Variants in PCYT1B observed in about 807,000 individuals in gnomAD.
PCYT1B encodes choline-phosphate cytidylyltransferase B.
A neutral mutation model predicts 26.4 loss-of-function variants in PCYT1B; 10 were observed. The observed-to-expected ratio is 0.38, with a 90% CI of 0.23 to 0.64. PCYT1B has a LOEUF of 0.64. PCYT1B is among the 30% of genes least tolerant of loss of function. PCYT1B has a pLI of 0.56. For missense variants in PCYT1B, 161 were observed against 292.7 expected, an observed-to-expected ratio of 0.55 and a Z score of 3.28; for synonymous variants, 131 against 108.4, an observed-to-expected ratio of 1.21 and a Z score of -1.29.
chrX:24,656,002 G>A (rs1460128336), intron 1 of PCYT1B, among the ~76,000 whole-genome samples: 3 of 102,934 alleles, frequency 2.9e-5, no homozygotes, highest in Non-Finnish European at 4.0e-5. Flanking sequence ...GGTGGCAGGC[G>A]CCTGTAATCC....
At chrX:24,641,079 G>A (rs1027519982) in intron 1 of PCYT1B, among the ~76,000 whole-genome samples, 2 of 111,402 alleles carry the variant, frequency 1.8e-5, no homozygotes, top group African/African-American at 6.5e-5. Context: ...GATTACAGGA[G>A]CACACTACCA....
intron 2 of PCYT1B, among the ~76,000 whole-genome samples, 158 bp from the exon 3 acceptor site, chrX:24,608,019 G>C (rs1196237791): frequency 9.0e-6 from 1 of 111,641 alleles, no homozygotes; most frequent in Non-Finnish European, 1.9e-5. Context: ...TTCTTCTGAA[G>C]ACATCAAAGC....
chrX:24,562,951 T>C (rs1302367965), intron 7 of PCYT1B, among the ~76,000 whole-genome samples: 2 of 111,218 alleles, frequency 1.8e-5, no homozygotes, highest in East Asian at 5.6e-4. Flanking sequence ...GGTCTTGAAC[T>C]CCTGACCTCA....
intron 6 of PCYT1B, 79 bp from the exon 7 acceptor site, chrX:24,575,397 T>A (rs1017991393): frequency 6.8e-6 from 5 of 730,087 alleles, no homozygotes; most frequent in Non-Finnish European, 9.8e-6. Context: ...ACATTAAAGT[T>A]CATATTTTAT....
chrX:24,631,741 G>A (rs1313430783), intron 1 of PCYT1B, among the ~76,000 whole-genome samples: 5 of 111,860 alleles, frequency 4.5e-5, no homozygotes, highest in Admixed American at 1.9e-4. Context: ...CAAGGCGGGC[G>A]GATCACCTGA....
At chrX:24,573,163 CAT>C (rs1205089081) in intron 7 of PCYT1B, among the ~76,000 whole-genome samples, 31 of 24,585 alleles carry the variant, frequency 1.3e-3, no homozygotes, top group East Asian at 0.012. Context: ...CACACACACA[CAT>C]ATATATATAT....
rs189207729 is a variant in PCYT1B at position 24,587,529 on chromosome X, G to C, written c.487-210C>G. ...TGGGAACTAGAAGAATAAATGTTTTGGTTTCTCTCCTTTGCTGGTCCCTCT... is the reference window on the plus strand; with the variant it reads ...TGGGAACTAGAAGAATAAATGTTTTCGTTTCTCTCCTTTGCTGGTCCCTCT... On this transcript the variant is annotated intron_variant, in intron 4 of 7. Transcript: ENST00000379144. Among the ~76,000 whole-genome samples, 4 of 112,007 alleles carry C rather than the reference G, an allele frequency of 3.6e-5. No homozygotes were observed. The East Asian group carries it at 1.1e-3, about 31-fold the overall frequency.
intron 5 of PCYT1B, among the ~76,000 whole-genome samples, 161 bp from the exon 6 acceptor site, chrX:24,579,619 T>C (rs1356741931): frequency 9.0e-6 from 1 of 110,924 alleles, no homozygotes; most frequent in Non-Finnish European, 1.9e-5. Flanking sequence ...CTCAGTTCCG[T>C]GGAATTCCTC....
chrX:24,643,367 A>G (rs1926525170), intron 1 of PCYT1B, among the ~76,000 whole-genome samples: 1 of 111,800 alleles, frequency 8.9e-6, no homozygotes, highest in African/African-American at 3.3e-5. Flanking sequence ...GTCACCTTGC[A>G]TCATGTTTAA....
chrX:24,615,320 C>G (rs751037497), intron 2 of PCYT1B, among the ~76,000 whole-genome samples: 32 of 111,225 alleles, frequency 2.9e-4, no homozygotes, highest in African/African-American at 9.5e-4. Context: ...CAAAATACAC[C>G]ACCATCTTAT....
intron 7 of PCYT1B, among the ~76,000 whole-genome samples, chrX:24,570,300 C>T (rs1426107922): frequency 9.2e-6 from 1 of 109,212 alleles, no homozygotes; most frequent in Non-Finnish European, 1.9e-5. Context: ...GTTCCCCAGG[C>T]TGGAGTGCAG....
intron 3 of PCYT1B, among the ~76,000 whole-genome samples, chrX:24,597,373 C>T (rs1164819341): frequency 1.5e-4 from 17 of 111,694 alleles, no homozygotes; most frequent in African/African-American, 4.6e-4. Flanking sequence ...TCCGCCCACT[C>T]GGCCTCCCAA....
At chrX:24,612,309 C>T (rs1039981125) in intron 2 of PCYT1B, among the ~76,000 whole-genome samples, 1 of 112,709 alleles carries the variant, frequency 8.9e-6, no homozygotes, top group African/African-American at 3.2e-5. Flanking sequence ...GCCTGTGAGA[C>T]TCATGACGTT....
intron 3 of PCYT1B, among the ~76,000 whole-genome samples, chrX:24,606,635 G>A (rs1402577906): frequency 8.9e-6 from 1 of 112,195 alleles, no homozygotes; most frequent in African/African-American, 3.2e-5. Flanking sequence ...AGGCTGAGGT[G>A]GGTGGATCAC....
upstream of PCYT1B, among the ~76,000 whole-genome samples, chrX:24,648,710 G>C (rs746850203): frequency 2.7e-5 from 3 of 109,809 alleles, no homozygotes; most frequent in Non-Finnish European, 5.7e-5. Flanking sequence ...CCAGACCCCG[G>C]ACCTGATTCA....
intron 2 of PCYT1B, among the ~76,000 whole-genome samples, chrX:24,617,452 A>ATT (rs35284868): frequency 0.42 from 34,988 of 82,549 alleles, 6,807 homozygotes; most frequent in East Asian, 0.6. Context: ...TATTATTATT[A>ATT]TTTTTTTTTT....
At chrX:24,573,702 G>T (rs746113390) in intron 7 of PCYT1B, among the ~76,000 whole-genome samples, 10 of 111,486 alleles carry the variant, frequency 9.0e-5, no homozygotes, top group Non-Finnish European at 1.5e-4. Context: ...TCTGTACTTT[G>T]TCTGTTTTTA....
chrX:24,641,665 T>C (rs1926468835), intron 1 of PCYT1B, among the ~76,000 whole-genome samples: 1 of 112,450 alleles, frequency 8.9e-6, no homozygotes, highest in African/African-American at 3.2e-5. Context: ...AATATACACA[T>C]TGGATTTCAG....
chrX:24,561,864 G>C lies in PCYT1B; in HGVS notation c.*429C>G. ...CTCTATTGGAAACAATTTTATTCTG[G>C]CAGAGCTGGGGTGGTGGGAGGCAAC... is the stretch of plus-strand genomic sequence containing the variant. On this transcript the variant is annotated 3_prime_UTR_variant, in exon 8 of 8. Coordinates refer to ENST00000379144, the MANE Select transcript of PCYT1B (RefSeq NM_004845.5). The C allele has an allele frequency of 2.5e-6, 1 of 401,935 alleles. No homozygotes were observed. Among genetic ancestry groups the C allele is most frequent in the Non-Finnish European group, 4.3e-6 (1 of 230,586 alleles). 33.1% of individuals were successfully genotyped at this position (401,935 alleles called of 1,213,427 possible). A position where few individuals can be genotyped will look rare whatever the true frequency, so the allele number is the denominator to read the frequency against.
Sources: gnomAD v4.1 joint callset for allele counts (sites outside exome capture counted in the v4.1 genomes callset) on GRCh38, gnomAD v4.1.1 for gene constraint, MANE v1.5 for transcripts, NCBI Gene and HGNC (gene_info 2026-07-23, HGNC 2026-07-21) for gene names.